AIMP1: variants seen among roughly 807,000 people sequenced by gnomAD.
AIMP1 encodes the protein aminoacyl tRNA synthase complex-interacting multifunctional protein 1.
Under a neutral mutation model 33.1 loss-of-function variants are expected in AIMP1, and 24 were observed. That is an observed-to-expected ratio of 0.73 (90% CI 0.53 to 1.02). The LOEUF is 1.02. Among genes scored for constraint, AIMP1 ranks in the 50% least tolerant of loss-of-function variants. The probability of loss-of-function intolerance (pLI) is 0.00; values close to 1 mark genes in which losing one functional copy is unlikely to be tolerated. For missense variants in AIMP1, 367 were observed against 364.8 expected, an observed-to-expected ratio of 1.01 and a Z score of -0.05; for synonymous variants, 120 against 121.5, an observed-to-expected ratio of 0.99 and a Z score of 0.08.
chr4:106,327,393 AG>A (rs1769492810), intron 2 of AIMP1, 57 bp from the exon 3 acceptor site: 1 of 1,246,194 alleles, frequency 8.0e-7, no homozygotes, highest in Non-Finnish European at 1.2e-6. Flanking sequence ...CTTTTCAAAT[AG>A]TATTCATACA....
At chr4:106,318,945 T>G (rs1371962884) in intron 1 of AIMP1, among the ~76,000 whole-genome samples, 1 of 151,884 alleles carries the variant, frequency 6.6e-6, no homozygotes, top group Non-Finnish European at 1.5e-5. Context: ...TTCAATAGTG[T>G]TTTTTTTCAT....
intron 6 of AIMP1, among the ~76,000 whole-genome samples, chr4:106,347,135 C>A (rs1211444265): frequency 6.6e-6 from 1 of 152,142 alleles, no homozygotes; most frequent in Admixed American, 6.5e-5. Context: ...ATAATCCAAT[C>A]ACCTCCACCA....
intron 6 of AIMP1, among the ~76,000 whole-genome samples, chr4:106,343,822 G>C (rs1490633345): frequency 1.3e-5 from 2 of 152,248 alleles, no homozygotes; most frequent in East Asian, 3.9e-4. Context: ...TTTACAGTCA[G>C]ACTTTTAATT....
At chr4:106,343,085 G>A (rs1770160808) in intron 6 of AIMP1, among the ~76,000 whole-genome samples, 1 of 151,858 alleles carries the variant, frequency 6.6e-6, no homozygotes, top group African/African-American at 2.4e-5. Flanking sequence ...TTAATTGGTA[G>A]GTTTTTATTA....
Position 106,347,523 on chromosome 4 carries a change from C to T in AIMP1, c.773-3C>T, listed in dbSNP as rs752865401. ...TTTCTTGTGCTTTTTTTCTCCTACA[C>T]AGGAGAGCCTGACAAGGAGCTGAAT... On this transcript the variant is annotated splice_region_variant and splice_polypyrimidine_tract_variant and intron_variant, in intron 6 of 6. Coordinates refer to ENST00000672341, the MANE Select transcript of AIMP1 (RefSeq NM_001142416.2). 5.0e-6 allele frequency: 8 copies of T among 1,611,668 alleles called. No homozygotes were observed. Among genetic ancestry groups the T allele is most frequent in the Non-Finnish European group, 6.8e-6 (8 of 1,178,930 alleles).
chr4:106,332,091 A>G (rs1769703116), intron 5 of AIMP1, among the ~76,000 whole-genome samples: 2 of 152,206 alleles, frequency 1.3e-5, no homozygotes, highest in African/African-American at 2.4e-5. Flanking sequence ...GATATAATGC[A>G]TAAGGATAGG....
chr4:106,315,662 G>C (rs1323594549), upstream of AIMP1: 1 of 152,180 alleles, frequency 6.6e-6, no homozygotes, highest in Non-Finnish European at 1.5e-5. Context: ...GCGGATTCTA[G>C]ATTCTCTAAC....
At chr4:106,332,195 A>G (rs1769708883) in intron 5 of AIMP1, among the ~76,000 whole-genome samples, 1 of 152,042 alleles carries the variant, frequency 6.6e-6, no homozygotes. Flanking sequence ...TATATATAAA[A>G]TATATTTGAA....
At chr4:106,329,540 C>G (rs1332588934) in intron 4 of AIMP1, among the ~76,000 whole-genome samples, 1 of 152,070 alleles carries the variant, frequency 6.6e-6, no homozygotes, top group African/African-American at 2.4e-5. Context: ...TAGTCAATGG[C>G]CACATGTGGT....
chr4:106,331,383 T>G lies in AIMP1; in HGVS notation c.392-289T>G, dbSNP rs80328848. Among the ~76,000 whole-genome samples, 1,082 of 152,306 alleles carry G rather than the reference T, an allele frequency of 7.1e-3. 10 individuals are homozygous for G. The highest frequency in any genetic ancestry group is 9.9e-3 in the Non-Finnish European group (671 of 68,018). ...GAATATGGTTGTCTTCCAGTAAAAC[T>G]TTATTTATGAAAACAGGCAACAGGC... On this transcript the variant is annotated intron_variant, in intron 4 of 6. Coordinates refer to ENST00000672341, the MANE Select transcript of AIMP1 (RefSeq NM_001142416.2).
intron 1 of AIMP1, among the ~76,000 whole-genome samples, chr4:106,318,738 G>T (rs2125917913): frequency 6.6e-6 from 1 of 152,126 alleles, no homozygotes; most frequent in South Asian, 2.1e-4. Context: ...TGCACTATTG[G>T]CATATAGTTG....
At chr4:106,321,307 C>G (rs547865261) in intron 1 of AIMP1, 1 of 158,360 alleles carries the variant, frequency 6.3e-6, no homozygotes, top group East Asian at 1.9e-4. Context: ...TGAGGAGCGT[C>G]TCTGCCCAGC....
chr4:106,332,705 T>G (rs984663374), intron 5 of AIMP1, among the ~76,000 whole-genome samples: 12 of 149,594 alleles, frequency 8.0e-5, no homozygotes, highest in Non-Finnish European at 1.5e-4. Flanking sequence ...TCTATATAGA[T>G]ATATATATAT....
At chr4:106,334,825 C>G (rs780738902) in intron 5 of AIMP1, among the ~76,000 whole-genome samples, 12 of 152,136 alleles carry the variant, frequency 7.9e-5, no homozygotes, top group South Asian at 2.1e-4. Flanking sequence ...ATGTGTTTAT[C>G]TGGCTGAAGA....
At chr4:106,329,971 CAG>C (rs553907804) in intron 4 of AIMP1, among the ~76,000 whole-genome samples, 149 of 151,810 alleles carry the variant, frequency 9.8e-4, no homozygotes, top group Non-Finnish European at 1.9e-3. Context: ...TTAGTAGAGA[CAG>C]GGGTTCACCA....
rs753547970 is a variant in AIMP1, at chr4:106,316,554, C to T, written c.-66C>T. Reference sequence around the variant, plus strand: ...CGCGGGTGGCTGGACCTACATGCTTCCTGCTGTGGCTGTCTCGGAACCCGT... The same window carrying T: ...CGCGGGTGGCTGGACCTACATGCTTTCTGCTGTGGCTGTCTCGGAACCCGT... On this transcript the variant is annotated 5_prime_UTR_variant, in exon 1 of 7. Coordinates refer to ENST00000672341, the MANE Select transcript of AIMP1 (RefSeq NM_001142416.2). The T allele has an allele frequency of 6.4e-6, 10 of 1,551,622 alleles. No homozygotes were observed. Among genetic ancestry groups the T allele is most frequent in the East Asian group, 4.9e-5 (2 of 40,896 alleles).
chr4:106,339,229 G>C (rs557714393), intron 6 of AIMP1, among the ~76,000 whole-genome samples: 2 of 152,314 alleles, frequency 1.3e-5, no homozygotes, highest in South Asian at 2.1e-4. Context: ...AGGCATGATT[G>C]GTTTTGAAAT....
intron 2 of AIMP1, 111 bp from the exon 3 acceptor site, chr4:106,327,340 C>T: frequency 2.7e-6 from 2 of 751,400 alleles, no homozygotes; most frequent in Admixed American, 4.3e-5. Context: ...TTTGGTTACA[C>T]TAGAGCTAGT....
intron 4 of AIMP1, among the ~76,000 whole-genome samples, chr4:106,329,042 CTTTTTTT>C (rs33975641): frequency 2.0e-4 from 28 of 136,828 alleles, no homozygotes; most frequent in African/African-American, 7.2e-4. Flanking sequence ...AACTTATTTA[CTTTTTTT>C]TTTTTTTTTT....
Sources: allele counts gnomAD v4.1 joint callset (sites outside exome capture counted in the v4.1 genomes callset), GRCh38; gene constraint gnomAD v4.1.1; transcripts MANE v1.5; gene names NCBI Gene and HGNC (gene_info 2026-07-23, HGNC 2026-07-21).